NSMCE2: variants seen among roughly 807,000 people sequenced by gnomAD.
The protein encoded by NSMCE2 is E3 SUMO-protein ligase NSE2.
NSMCE2 carries 24 observed loss-of-function variants against 23.8 expected under a neutral mutation model. That is an observed-to-expected ratio of 1.01 (90% CI 0.73 to 1.42). The LOEUF is 1.42. Among genes scored for constraint, NSMCE2 ranks in the 40% most tolerant of loss-of-function variants. The pLI, the probability that NSMCE2 is intolerant of heterozygous loss-of-function variation, is 0.00. For missense variants in NSMCE2, 284 were observed against 296.5 expected (o/e 0.96, Z 0.31); for synonymous variants, 92 against 94.1 (o/e 0.98, Z 0.13).
intron 5 of NSMCE2, among the ~76,000 whole-genome samples, chr8:125,209,361 G>A (rs1243818205): frequency 6.6e-6 from 1 of 152,170 alleles, no homozygotes; most frequent in East Asian, 1.9e-4. Flanking sequence ...GCTTTATTTA[G>A]GGACTAAACC....
chr8:125,202,836 G>A (rs1823942752), intron 5 of NSMCE2, among the ~76,000 whole-genome samples: 2 of 152,152 alleles, frequency 1.3e-5, no homozygotes, highest in South Asian at 4.1e-4. Context: ...CTTAATGAAG[G>A]ATAAAATATT....
intron 7 of NSMCE2, among the ~76,000 whole-genome samples, chr8:125,360,606 T>C (rs1208283825): frequency 2.0e-5 from 3 of 149,186 alleles, no homozygotes; most frequent in Admixed American, 2.0e-4. Flanking sequence ...TGGAGGCTCA[T>C]GGGAACTTGT....
chr8:125,121,632 G>T (rs1292400798), intron 3 of NSMCE2, among the ~76,000 whole-genome samples: 1 of 152,130 alleles, frequency 6.6e-6, no homozygotes, highest in Non-Finnish European at 1.5e-5. Flanking sequence ...TGACCTAGCA[G>T]CCTGATTCTG....
At chr8:125,335,608 A>T (rs1284318819) in intron 5 of NSMCE2, among the ~76,000 whole-genome samples, 11 of 152,344 alleles carry the variant, frequency 7.2e-5, no homozygotes, top group African/African-American at 2.4e-4. Flanking sequence ...GTGATACTCC[A>T]TGCAGTGAGG....
At chr8:125,330,736 G>C (rs1829844504) in intron 5 of NSMCE2, among the ~76,000 whole-genome samples, 4 of 152,166 alleles carry the variant, frequency 2.6e-5, no homozygotes, top group Non-Finnish European at 4.4e-5. Flanking sequence ...TAAGAAGCAG[G>C]AGGAGTGGGA....
At chr8:125,187,862 A>T (rs557770535) in intron 5 of NSMCE2, among the ~76,000 whole-genome samples, 2 of 152,344 alleles carry the variant, frequency 1.3e-5, no homozygotes, top group African/African-American at 4.8e-5. Context: ...GCTAAGCTTA[A>T]AGGAGAACGT....
chr8:125,105,119 C>T (rs914418194), intron 3 of NSMCE2, among the ~76,000 whole-genome samples: 2 of 152,174 alleles, frequency 1.3e-5, no homozygotes, highest in African/African-American at 2.4e-5. Flanking sequence ...AGTCCTGTCC[C>T]GCCTTTGTCC....
intron 3 of NSMCE2, among the ~76,000 whole-genome samples, chr8:125,150,481 T>A (rs969856365): frequency 1.5e-5 from 2 of 135,728 alleles, no homozygotes; most frequent in Admixed American, 1.6e-4. Context: ...TTGCCCAGGC[T>A]GGAGTGCAAT....
chr8:125,267,003 C>CT (rs35990794), intron 5 of NSMCE2, among the ~76,000 whole-genome samples: 53,352 of 111,890 alleles, frequency 0.48, 15,236 homozygotes, highest in Non-Finnish European at 0.59. Context: ...TTTTTTCTTT[C>CT]TTTTTTTTTT....
At chr8:125,277,775 G>T (rs1252720765) in intron 5 of NSMCE2, among the ~76,000 whole-genome samples, 1 of 152,106 alleles carries the variant, frequency 6.6e-6, no homozygotes, top group Non-Finnish European at 1.5e-5. Context: ...CGGCCTCCCA[G>T]AGTGCTGGGA....
chr8:125,118,207 AT>A (rs374745146), intron 3 of NSMCE2, among the ~76,000 whole-genome samples: 32 of 152,052 alleles, frequency 2.1e-4, no homozygotes, highest in African/African-American at 7.7e-4. Context: ...TTAGCTGGGC[AT>A]GGTGGCACAC....
intron 5 of NSMCE2, among the ~76,000 whole-genome samples, chr8:125,229,542 G>C (rs775397712): frequency 1.3e-5 from 2 of 152,168 alleles, no homozygotes; most frequent in African/African-American, 2.4e-5. Flanking sequence ...CTGAGTTTAA[G>C]ATAGCTAAAG....
chr8:125,218,414 G>GT (rs34237629), intron 5 of NSMCE2, among the ~76,000 whole-genome samples: 4,984 of 141,510 alleles, frequency 0.035, 169 homozygotes, highest in African/African-American at 0.077. Context: ...AAAATTGAGG[G>GT]TTTTTTTTTT....
At chr8:125,122,067 G>A (rs976148774) in intron 3 of NSMCE2, among the ~76,000 whole-genome samples, 9 of 150,208 alleles carry the variant, frequency 6.0e-5, no homozygotes, top group African/African-American at 2.0e-4. Context: ...CTTTTGCAGA[G>A]CTCTGACACC....
chr8:125,199,884 G>T (rs189882632), intron 5 of NSMCE2, among the ~76,000 whole-genome samples: 132 of 152,282 alleles, frequency 8.7e-4, no homozygotes, highest in African/African-American at 3.2e-3. Context: ...TATATATTTA[G>T]AATGGTTAGC....
chr8:125,138,576 T>G (rs564624626), intron 3 of NSMCE2, among the ~76,000 whole-genome samples: 1 of 152,258 alleles, frequency 6.6e-6, no homozygotes, highest in South Asian at 2.1e-4. Flanking sequence ...GATCAGGTAG[T>G]ACAAATGTAA....
At chr8:125,359,262 T>G (rs1430707143) in intron 7 of NSMCE2, among the ~76,000 whole-genome samples, 5 of 138,008 alleles carry the variant, frequency 3.6e-5, no homozygotes, top group Non-Finnish European at 4.7e-5. Context: ...TGATACTCTG[T>G]CTCCAAAAAA....
chr8:125,278,321 A>C (rs1827556098), intron 5 of NSMCE2, among the ~76,000 whole-genome samples: 1 of 152,224 alleles, frequency 6.6e-6, no homozygotes, highest in African/African-American at 2.4e-5. Flanking sequence ...GGCCCTTCAG[A>C]GCACTCTGTC....
At chr8:125,173,982 T>C (rs1196028733) in intron 4 of NSMCE2, among the ~76,000 whole-genome samples, 5 of 152,198 alleles carry the variant, frequency 3.3e-5, no homozygotes, top group African/African-American at 4.8e-5. Flanking sequence ...CGAAAGGTGC[T>C]GTGTAAGTGC....
Sources: gnomAD v4.1 joint callset for allele counts (sites outside exome capture counted in the v4.1 genomes callset) on GRCh38, gnomAD v4.1.1 for gene constraint, MANE v1.5 for transcripts, NCBI Gene and HGNC (gene_info 2026-07-23, HGNC 2026-07-21) for gene names.